ROR2: variants seen among roughly 807,000 people sequenced by gnomAD.
ROR2 encodes tyrosine-protein kinase transmembrane receptor ROR2.
Under a neutral mutation model 74.9 loss-of-function variants are expected in ROR2, and 33 were observed. The ratio of observed to expected loss-of-function variants is 0.44; its 90% confidence interval spans 0.33 to 0.59. ROR2 has a LOEUF of 0.59. ROR2 is among the 20% of genes least tolerant of loss of function. ROR2 has a pLI of 0.02. For synonymous variants in ROR2, 586 were observed against 558.7 expected, an observed-to-expected ratio of 1.05 and a Z score of -0.69; for missense variants, 1,216 against 1,313.8, an observed-to-expected ratio of 0.93 and a Z score of 1.15.
chr9:91,765,672 G>T (rs79211217), intron 2 of ROR2, among the ~76,000 whole-genome samples: 2,731 of 152,284 alleles, frequency 0.018, 82 homozygotes, highest in African/African-American at 0.063. Context: ...GGCTGACCCT[G>T]TGGCAATGTG....
At chr9:91,884,146 G>T (rs1372694908) in intron 1 of ROR2, among the ~76,000 whole-genome samples, 1 of 152,106 alleles carries the variant, frequency 6.6e-6, no homozygotes, top group African/African-American at 2.4e-5. Flanking sequence ...TTTCTCTCTG[G>T]TTTCACCAAT....
intron 1 of ROR2, among the ~76,000 whole-genome samples, chr9:91,810,018 A>G (rs1371357932): frequency 1.3e-5 from 2 of 152,256 alleles, no homozygotes; most frequent in African/African-American, 4.8e-5. Context: ...CAGGCTGCTC[A>G]GCGACTAAAT....
At chr9:91,869,182 T>C (rs1829723318) in intron 1 of ROR2, among the ~76,000 whole-genome samples, 1 of 152,146 alleles carries the variant, frequency 6.6e-6, no homozygotes, top group Non-Finnish European at 1.5e-5. Context: ...CTCAAACTCC[T>C]GAGCACCTGG....
At chr9:91,776,314 TGTAAA>T (rs2118936481) in intron 1 of ROR2, among the ~76,000 whole-genome samples, 1 of 152,144 alleles carries the variant, frequency 6.6e-6, no homozygotes, top group East Asian at 1.9e-4. Context: ...CACCCCACAA[TGTAAA>T]GGACATAAAT....
At chr9:91,801,700 C>T (rs1827383581) in intron 1 of ROR2, among the ~76,000 whole-genome samples, 1 of 152,242 alleles carries the variant, frequency 6.6e-6, no homozygotes, top group South Asian at 2.1e-4. Flanking sequence ...AATTCTACCT[C>T]CCTACACTAG....
chr9:91,797,750 T>A (rs1827224676), intron 1 of ROR2, among the ~76,000 whole-genome samples: 1 of 75,732 alleles, frequency 1.3e-5, no homozygotes, highest in Admixed American at 1.2e-4. Context: ...TGGGCGGGGC[T>A]GACACCCTGG....
Position 91,737,497 on chromosome 9 carries a change from C to T in ROR2, c.516G>A (p.Gly172=), listed in dbSNP as rs1389657315. 2 of 1,614,222 alleles carry T rather than the reference C, an allele frequency of 1.2e-6. No individual in the cohort carries two copies. Among genetic ancestry groups the T allele is most frequent in the South Asian group, 2.2e-5 (2 of 91,082 alleles). Reference sequence around the variant, plus strand: ...CAATTCCCCGGTAAGGCTGGCAGAACCCATCCTCGTGGTAATCATCCCTGG... The same window carrying T: ...CAATTCCCCGGTAAGGCTGGCAGAATCCATCCTCGTGGTAATCATCCCTGG... The part of the protein sequence containing the change: ...HNFQDDYHED[G]FCQPYRGIAC... Residue 172 remains glycine, a synonymous_variant, in exon 5 of 9, where the codon GGG becomes GGA. Coordinates refer to ENST00000375708, the MANE Select transcript of ROR2 (RefSeq NM_004560.4).
intron 4 of ROR2, among the ~76,000 whole-genome samples, chr9:91,740,258 C>T (rs572261644): frequency 4.6e-5 from 7 of 152,094 alleles, no homozygotes; most frequent in Non-Finnish European, 1.0e-4. Context: ...TCTGAATAGA[C>T]AATATCCAGG....
intron 1 of ROR2, among the ~76,000 whole-genome samples, chr9:91,805,430 T>C (rs371386588): frequency 1.3e-5 from 2 of 152,208 alleles, no homozygotes; most frequent in East Asian, 1.9e-4. Context: ...TCAGCCCCTC[T>C]CCTTCCATTA....
At chr9:91,871,193 G>A (rs1465442743) in intron 1 of ROR2, among the ~76,000 whole-genome samples, 1 of 152,226 alleles carries the variant, frequency 6.6e-6, no homozygotes, top group African/African-American at 2.4e-5. Flanking sequence ...CTCCTCTGAA[G>A]AGTCTCACTT....
At chr9:91,872,723 G>GT (rs1402395924) in intron 1 of ROR2, among the ~76,000 whole-genome samples, 2 of 152,218 alleles carry the variant, frequency 1.3e-5, no homozygotes, top group Non-Finnish European at 2.9e-5. Flanking sequence ...AATATGCAGA[G>GT]TAAGAACTCC....
At chr9:91,735,823 G>C (rs1825005255) in intron 5 of ROR2, among the ~76,000 whole-genome samples, 1 of 151,774 alleles carries the variant, frequency 6.6e-6, no homozygotes, top group South Asian at 2.1e-4. Flanking sequence ...TCACCATGTT[G>C]GTCAGGCTGG....
At chr9:91,857,577 G>A (rs1829333676) in intron 1 of ROR2, among the ~76,000 whole-genome samples, 1 of 152,232 alleles carries the variant, frequency 6.6e-6, no homozygotes, top group African/African-American at 2.4e-5. Flanking sequence ...GTGCAGAGCA[G>A]TGCCTGACTG....
intron 1 of ROR2, among the ~76,000 whole-genome samples, chr9:91,887,964 G>GT (rs749373696): frequency 1.8e-4 from 28 of 151,778 alleles, no homozygotes; most frequent in Non-Finnish European, 3.5e-4. Context: ...GCTAATTTTT[G>GT]TATTTTTAGT....
chr9:91,923,653 A>G (rs1237823341), intron 1 of ROR2: 2 of 152,252 alleles, frequency 1.3e-5, no homozygotes, highest in East Asian at 1.9e-4. Flanking sequence ...GCAGTAATCA[A>G]TAACTCATCA....
chr9:91,770,707 G>A (rs1826199082), intron 2 of ROR2, among the ~76,000 whole-genome samples: 1 of 152,192 alleles, frequency 6.6e-6, no homozygotes. Context: ...TCCTGATGCT[G>A]AGCCCAAGTT....
rs113324207 is a variant in ROR2 at position 91,756,571 on chromosome 9, GC to G, written c.464-471del. 5.3e-5 allele frequency among the ~76,000 whole-genome samples: 8 copies of G among 151,986 alleles called. 1 individual carries two copies. Among genetic ancestry groups the G allele is most frequent in the Middle Eastern group, 3.4e-3 (1 of 292 alleles). ...CTCTCTCCCCACCCCAGCCAGGTCA[GC>G]CTCGGGCCCTACCTAGCCGTCCTGC... On this transcript the variant is annotated intron_variant, in intron 3 of 8. Transcript: ENST00000375708.
chr9:91,775,867 A>G (rs1826402390), intron 1 of ROR2, 49 bp from the exon 2 acceptor site: 1 of 1,539,908 alleles, frequency 6.5e-7, no homozygotes, highest in Admixed American at 1.7e-5. Context: ...TCCTTTCAGG[A>G]GCCTTTAATT....
chr9:91,809,729 G>A (rs765585495), intron 1 of ROR2, among the ~76,000 whole-genome samples: 3 of 152,202 alleles, frequency 2.0e-5, no homozygotes, highest in South Asian at 4.1e-4. Flanking sequence ...GTGGGCAGGC[G>A]CCGTGGGCGT....
Sources: allele counts gnomAD v4.1 joint callset (sites outside exome capture counted in the v4.1 genomes callset), GRCh38; gene constraint gnomAD v4.1.1; transcripts MANE v1.5; gene names NCBI Gene and HGNC (gene_info 2026-07-23, HGNC 2026-07-21).